Variants in GRIN2D observed in about 807,000 individuals in gnomAD.
GRIN2D encodes glutamate receptor ionotropic, NMDA 2D.
In GRIN2D, 37 loss-of-function variants were observed where a neutral mutation model predicts 103.2. The ratio of observed to expected loss-of-function variants is 0.36; its 90% CI spans 0.28 to 0.47. GRIN2D has a LOEUF of 0.47. Among genes scored for constraint, GRIN2D ranks in the 20% least tolerant of loss-of-function variants. The pLI, the probability that GRIN2D is intolerant of heterozygous loss-of-function variation, is 1.00. For missense variants in GRIN2D, 1,557 were observed against 1,910.6 expected, an observed-to-expected ratio of 0.81 and a Z score of 3.45; for synonymous variants, 845 against 885.6, an observed-to-expected ratio of 0.95 and a Z score of 0.81.
At position 48,393,762 on chromosome 19, in the gene GRIN2D, C is replaced by G. The variant is rs1970593346; in HGVS notation, c.-412C>G. ...GCCGCGGCCGCCGCCGCCACCCTCG[C>G]CCGCAGCCTCCCGCAGCCTCCCTCG... is the stretch of plus-strand genomic sequence containing the variant. On this transcript the variant is annotated 5_prime_UTR_variant, in exon 1 of 14. Coordinates refer to ENST00000263269, the MANE Select transcript of GRIN2D (RefSeq NM_000836.4). This position sits in a 1 kb window ranked among gnomAD's most constrained non-coding sequence, Gnocchi z 5.6. Among the ~76,000 whole-genome samples, 1 of 152,068 alleles carries G rather than the reference C, an allele frequency of 6.6e-6. No homozygotes were observed. The highest frequency in any genetic ancestry group is 6.5e-5 in the Admixed American group (1 of 15,270).
rs1970599461 is a variant in GRIN2D, at chr19:48,394,048, T to G, written c.-306+180T>G. On this transcript the variant is annotated intron_variant, in intron 1 of 13. Coordinates refer to ENST00000263269, the MANE Select transcript of GRIN2D (RefSeq NM_000836.4). This position sits in a 1 kb window ranked among gnomAD's most constrained non-coding sequence, Gnocchi z 5.1. Reference sequence around the variant, plus strand: ...GGCCCCCCCAAACCCAGATGGATGGTGTGTACCTGGGTTCTGTGCCTCCTG... The same window carrying G: ...GGCCCCCCCAAACCCAGATGGATGGGGTGTACCTGGGTTCTGTGCCTCCTG... Among the ~76,000 whole-genome samples, 1 of 151,764 alleles carries G rather than the reference T, an allele frequency of 6.6e-6. No individual in the cohort carries two copies. The highest frequency in any genetic ancestry group is 1.5e-5 in the Non-Finnish European group (1 of 67,944).
At chr19:48,432,644 G>C (rs1971171665) in intron 11 of GRIN2D, among the ~76,000 whole-genome samples, 1 of 145,594 alleles carries the variant, frequency 6.9e-6, no homozygotes, top group Non-Finnish European at 1.5e-5. Context: ...TTCGTGTAGA[G>C]ACGGGGGTCT....
At chr19:48,399,526 C>G (rs542672435) in intron 3 of GRIN2D, among the ~76,000 whole-genome samples, 212 of 152,200 alleles carry the variant, frequency 1.4e-3, no homozygotes, top group African/African-American at 4.1e-3. Context: ...CGAGATCGTG[C>G]CACTGCACTC....
At chr19:48,437,898 T>C (rs1971249642) in intron 11 of GRIN2D, among the ~76,000 whole-genome samples, 1 of 152,106 alleles carries the variant, frequency 6.6e-6, no homozygotes, top group Admixed American at 6.6e-5. Flanking sequence ...CCTGTTAGGA[T>C]CTATATAAAA....
At position 48,402,140 on chromosome 19, in the gene GRIN2D, G is replaced by T. The variant is rs137883489; in HGVS notation, c.466-2594G>T. ...GGAAAGAAAGAAAGAAAGAAAGAAA[G>T]AAAGAAAGAAAGAAAGAAAGAAAGA... is the stretch of plus-strand genomic sequence containing the variant. On this transcript the variant is annotated intron_variant, in intron 3 of 13. Coordinates refer to ENST00000263269, the MANE Select transcript of GRIN2D (RefSeq NM_000836.4). Among the ~76,000 whole-genome samples the T allele has an allele frequency of 6.4e-4, 51 of 80,232 alleles. 1 individual carries two copies. The highest frequency in any genetic ancestry group is 2.7e-3 in the African/African-American group (46 of 17,292). 52.6% of individuals were successfully genotyped at this position (80,232 alleles called of 152,430 possible).
chr19:48,405,389 C>A lies in GRIN2D; in HGVS notation c.1085+36C>A. On this transcript the variant is annotated intron_variant, in intron 4 of 13. Transcript: ENST00000263269. The surrounding 1 kb of genome is among the most constrained non-coding windows in gnomAD (Gnocchi z 5.1). ...CTGGAATGGGAGGGGTGTGGGAGGG[C>A]TCCCAGAGCCTAACTACCTCAGTAT... 6.6e-7 allele frequency: 1 copy of A among 1,511,282 alleles called. No homozygotes were observed. The highest frequency in any genetic ancestry group is 8.9e-7 in the Non-Finnish European group (1 of 1,129,498). The allele number at this position is 1,511,282 out of a possible 1,614,324, so 93.6% of individuals were successfully genotyped here.
intron 11 of GRIN2D, among the ~76,000 whole-genome samples, chr19:48,441,331 C>T (rs930939553): frequency 1.3e-4 from 19 of 147,686 alleles, no homozygotes; most frequent in Non-Finnish European, 2.1e-4. Context: ...CCACTGCACT[C>T]CAGCCTGGGT....
chr19:48,404,907 G>A lies in GRIN2D; in HGVS notation c.639G>A (p.Val213=), dbSNP rs751224832. ...AGGTGCTGACTGACGGTAGTCTGGT[G>A]GGCTGGGAGCACCGCGGAGCGCTGA... ...YIEVLTDGSL[V]GWEHRGALTL... The change falls in exon 4 of 14, where the codon GTG becomes GTA. Residue 213 remains valine, a synonymous_variant. Coordinates refer to ENST00000263269, the MANE Select transcript of GRIN2D (RefSeq NM_000836.4). The A allele has an allele frequency of 1.2e-5, 19 of 1,614,072 alleles. No homozygotes were observed. Among genetic ancestry groups the A allele is most frequent in the Non-Finnish European group, 1.6e-5 (19 of 1,180,042 alleles).
chr19:48,442,638 GC>G lies in GRIN2D; in HGVS notation c.2715del (p.Ala906ProfsTer68). On this transcript the variant is annotated frameshift_variant, in exon 14 of 14. Coordinates refer to ENST00000263269, the MANE Select transcript of GRIN2D (RefSeq NM_000836.4). LOFTEE classifies it high-confidence loss of function. The surrounding 1 kb of genome is among the most constrained non-coding windows in gnomAD (Gnocchi z 7.2). ...SCCSAEAAPP[P>X]AKPPPPPQPL... The stretch of plus-strand genomic sequence containing the variant: ...GCTGCAGCGCTGAGGCCGCCCCACC[GC>G]CCGCCAAGCCCCCGCCGCCGCCACA... The G allele has an allele frequency of 6.8e-7, 1 of 1,472,750 alleles. No homozygotes were observed. Among genetic ancestry groups the G allele is most frequent in the Non-Finnish European group, 9.0e-7 (1 of 1,107,080 alleles). The allele number at this position is 1,472,750 out of a possible 1,614,324, so 91.2% of individuals were successfully genotyped here.
chr19:48,411,511 C>A (rs113192478), intron 4 of GRIN2D, among the ~76,000 whole-genome samples: 1 of 151,544 alleles, frequency 6.6e-6, no homozygotes, highest in Non-Finnish European at 1.5e-5. Flanking sequence ...TAGGCAGGCG[C>A]GGTGGTGCTT....
In GRIN2D at chr19:48,419,817, G is replaced by T. The variant is rs773135204; in HGVS notation, c.2091+3G>T. On this transcript the variant is annotated splice_donor_region_variant and intron_variant, in intron 10 of 13. Transcript: ENST00000263269. The stretch of plus-strand genomic sequence containing the variant: ...TGTCTGGGCTCAGTGACCGCAAGGT[G>T]TGTGTGGGCCCAGGGCTGGGCTGGA... 1.2e-6 allele frequency: 2 copies of T among 1,606,366 alleles called. No homozygotes were observed. Among genetic ancestry groups the T allele is most frequent in the South Asian group, 1.1e-5 (1 of 90,890 alleles).
intron 11 of GRIN2D, among the ~76,000 whole-genome samples, chr19:48,439,558 A>G (rs1971268134): frequency 6.6e-6 from 1 of 152,242 alleles, no homozygotes; most frequent in Non-Finnish European, 1.5e-5. Flanking sequence ...TGAGAGTGAT[A>G]GCAGCATGTG....
chr19:48,406,586 CATAA>C (rs1452226424), intron 4 of GRIN2D, among the ~76,000 whole-genome samples: 3 of 152,214 alleles, frequency 2.0e-5, no homozygotes, highest in Non-Finnish European at 4.4e-5. Context: ...ATCCCTTCTT[CATAA>C]ATACTTACTG....
rs533203370 is a variant in GRIN2D at position 48,439,858 on chromosome 19, G to A, written c.2253-1911G>A. Among the ~76,000 whole-genome samples the A allele has an allele frequency of 3.9e-5, 6 of 152,256 alleles. No individual in the cohort carries two copies. The East Asian group carries it at 5.8e-4, about 15-fold the overall frequency. The stretch of plus-strand genomic sequence containing the variant: ...CTCCGGAGGCTGAGACAGGAGAATC[G>A]TTTGATCCGGGGAGGCGGAGGTTGT... On this transcript the variant is annotated intron_variant, in intron 11 of 13. Coordinates refer to ENST00000263269, the MANE Select transcript of GRIN2D (RefSeq NM_000836.4).
chr19:48,416,024 T>C lies in GRIN2D; in HGVS notation c.1604T>C (p.Met535Thr). The C allele has an allele frequency of 6.2e-7, 1 of 1,613,166 alleles. No individual in the cohort carries two copies. Among genetic ancestry groups the C allele is most frequent in the Non-Finnish European group, 8.5e-7 (1 of 1,179,520 alleles). The change falls in exon 8 of 14, where the codon ATG becomes ACG. Residue 535 changes from methionine (M) to threonine (T), a missense_variant. Physicochemically the swap from Met to Thr is moderately conservative, Grantham distance 81. Transcript: ENST00000263269. ...IGEVFYQRADMAIGSLTINEE... is the reference protein window; with the variant it reads ...IGEVFYQRADTAIGSLTINEE... ...CAGGTGTTCTACCAGCGCGCAGACA[T>C]GGCCATCGGCTCCCTCACCATCAAC... is the stretch of plus-strand genomic sequence containing the variant.
chr19:48,419,845 T>C (rs1254702598), intron 10 of GRIN2D, 31 bp downstream of exon 10: 2 of 1,265,092 alleles, frequency 1.6e-6, no homozygotes, highest in Non-Finnish European at 1.1e-6. Flanking sequence ...GGGCTGGAGC[T>C]GGGGCTGGGG....
At chr19:48,422,017 G>T (rs1971031598) in intron 11 of GRIN2D, 72 bp downstream of exon 11, 15 of 1,480,614 alleles carry the variant, frequency 1.0e-5, no homozygotes, top group Non-Finnish European at 1.4e-5. Context: ...GATGGCAAGG[G>T]GTCCAGGTTC....
chr19:48,415,858 C>G, intron 7 of GRIN2D, 144 bp from the exon 8 acceptor site: 2 of 709,616 alleles, frequency 2.8e-6, no homozygotes, highest in Non-Finnish European at 5.1e-6. Context: ...TCGTCCCCCT[C>G]CTCACCCACC....
rs376526494 is a variant in GRIN2D, at chr19:48,393,806, G to T, written c.-368G>T. Among the ~76,000 whole-genome samples, 402 of 152,248 alleles carry T rather than the reference G, an allele frequency of 2.6e-3. 1 individual carries two copies. The highest frequency in any genetic ancestry group is 8.6e-3 in the African/African-American group (357 of 41,538). On this transcript the variant is annotated 5_prime_UTR_variant, in exon 1 of 14. Coordinates refer to ENST00000263269, the MANE Select transcript of GRIN2D (RefSeq NM_000836.4). This position sits in a 1 kb window ranked among gnomAD's most constrained non-coding sequence, Gnocchi z 5.6. ...TCCCTCGGCCACCGGTGCCTGCTGGGGGTGTTGCCTGGGTAGGTCGGCCCG... is the reference window on the plus strand; with the variant it reads ...TCCCTCGGCCACCGGTGCCTGCTGGTGGTGTTGCCTGGGTAGGTCGGCCCG...
Sources: allele counts gnomAD v4.1 joint callset (sites outside exome capture counted in the v4.1 genomes callset), GRCh38; gene constraint gnomAD v4.1.1; non-coding constraint Gnocchi (gnomAD v3.1); transcripts MANE v1.5; gene names NCBI Gene and HGNC (gene_info 2026-07-23, HGNC 2026-07-21).